ZBTB4: variants seen among roughly 807,000 people sequenced by gnomAD.
ZBTB4 encodes the protein zinc finger and BTB domain-containing protein 4.
A neutral mutation model predicts 59.8 loss-of-function variants in ZBTB4; 14 were observed. The ratio of observed to expected loss-of-function variants is 0.23; its 90% CI spans 0.15 to 0.37. ZBTB4 has a LOEUF of 0.37. ZBTB4 is among the 10% of genes least tolerant of loss of function. ZBTB4 has a pLI of 1.00. For missense variants in ZBTB4, 1,198 were observed against 1,380.8 expected (o/e 0.87, Z 2.10); for synonymous variants, 587 against 575.2 (o/e 1.02, Z -0.29).
At chr17:7,483,541 C>T (rs2070374973), upstream of ZBTB4, 1 of 172,372 alleles carries the variant, frequency 5.8e-6, no homozygotes, top group Admixed American at 5.6e-5. Flanking sequence ...AGTGGAAAGT[C>T]CTACGACCGT....
At chr17:7,465,565 C>G (rs2070107955) in intron 3 of ZBTB4, 146 bp downstream of exon 3, 1 of 1,365,998 alleles carries the variant, frequency 7.3e-7, no homozygotes, top group African/African-American at 1.5e-5. Flanking sequence ...CCTCCCACCT[C>G]AGCTAACCAC....
At chr17:7,473,778 G>A (rs2070231814) in intron 1 of ZBTB4, among the ~76,000 whole-genome samples, 1 of 152,086 alleles carries the variant, frequency 6.6e-6, no homozygotes, top group African/African-American at 2.4e-5. Context: ...TTGAAATCCT[G>A]GTCTCAAGCA....
chr17:7,470,001 G>C (rs1194466682), intron 1 of ZBTB4, among the ~76,000 whole-genome samples: 2 of 152,070 alleles, frequency 1.3e-5, no homozygotes, highest in South Asian at 4.1e-4. Flanking sequence ...AGAATCACTT[G>C]AATCCGGGAG....
intron 1 of ZBTB4, among the ~76,000 whole-genome samples, chr17:7,471,988 C>T (rs1203378696): frequency 6.6e-6 from 1 of 152,216 alleles, no homozygotes; most frequent in African/African-American, 2.4e-5. Context: ...TGAGCATGGA[C>T]ACCAGAGACG....
At position 7,466,979 on chromosome 17, in the gene ZBTB4, G is replaced by A. The variant is rs963965161; in HGVS notation, c.-9-169C>T. 6.6e-6 allele frequency among the ~76,000 whole-genome samples: 1 copy of A among 152,186 alleles called. No individual in the cohort carries two copies. The highest frequency in any genetic ancestry group is 1.5e-5 in the Non-Finnish European group (1 of 68,022). On this transcript the variant is annotated intron_variant, in intron 2 of 3. Coordinates refer to ENST00000380599, the MANE Select transcript of ZBTB4 (RefSeq NM_001128833.2). The surrounding 1 kb of genome is among the most constrained non-coding windows in gnomAD (Gnocchi z 9.1). ...GGTTGGCCCTTAGCCACCCAAGTCT[G>A]GCCAGCATCCAAGACCAGTATGTCT...
intron 1 of ZBTB4, among the ~76,000 whole-genome samples, chr17:7,473,110 A>T (rs1201201959): frequency 4.6e-4 from 30 of 64,888 alleles, no homozygotes; most frequent in South Asian, 1.1e-3. Flanking sequence ...GCGCGCCACC[A>T]TTTTTTTTTT....
rs1471348998 is a variant in ZBTB4, at chr17:7,466,103, G to A, written c.699C>T (p.Pro233=). The change falls in exon 3 of 4, where the codon CCC becomes CCT. Residue 233 remains proline (P), a synonymous_variant. Transcript: ENST00000380599. This position sits in a 1 kb window ranked among gnomAD's most constrained non-coding sequence, Gnocchi z 9.1. ...TTTTTCCACACTGGGGGCAGGGGAG[G>A]GGCCGCCGGGGCAGGGAGCACTGCA... The part of the protein sequence containing the change: ...PDLQCSLPRR[P]LPCPQCGKSF... The A allele has an allele frequency of 6.2e-7, 1 of 1,606,070 alleles. No individual in the cohort carries two copies. Among genetic ancestry groups the A allele is most frequent in the Non-Finnish European group, 8.5e-7 (1 of 1,175,414 alleles).
chr17:7,477,272 G>T (rs2070281544), intron 1 of ZBTB4, among the ~76,000 whole-genome samples: 1 of 152,212 alleles, frequency 6.6e-6, no homozygotes, highest in South Asian at 2.1e-4. Flanking sequence ...TGTGCTTTTG[G>T]AAGATACGCA....
Position 7,462,947 on chromosome 17 carries a change from C to A in ZBTB4, c.2035G>T (p.Ala679Ser). The change falls in exon 4 of 4, where the codon GCT becomes TCT. Residue 679 changes from alanine (A) to serine (S), a missense_variant. This residue lies in a region of ZBTB4 where 550 missense variants were observed against 541.8 expected (regional missense o/e 1.02). Transcript: ENST00000380599. This position sits in a 1 kb window ranked among gnomAD's most constrained non-coding sequence, Gnocchi z 7.5. ...CTGCCCCCCACACTGGCACCTCCAG[C>A]AGCTCCAGCCTTGCGCTTAGGCTTG... ...SYKPKRKAGA[A>S]GGASVGGSGL... 6.2e-7 allele frequency: 1 copy of A among 1,608,270 alleles called. No individual in the cohort carries two copies.
chr17:7,467,114 T>C (rs2070138953), intron 2 of ZBTB4, 143 bp downstream of exon 2: 1 of 1,159,196 alleles, frequency 8.6e-7, no homozygotes, highest in Non-Finnish European at 1.1e-6. Context: ...GGCAAATCTC[T>C]CTCATGGGAA....
At chr17:7,481,882 C>A (rs1397109239), upstream of ZBTB4, 10 of 1,443,460 alleles carry the variant, frequency 6.9e-6, no homozygotes, top group Non-Finnish European at 9.3e-6. Flanking sequence ...GATAGCCCAA[C>A]ACTGTACAGT....
rs2150845623 is a variant in ZBTB4 at position 7,459,413 on chromosome 17, T to TG, written c.*2526dup. On this transcript the variant is annotated 3_prime_UTR_variant, in exon 4 of 4. Transcript: ENST00000380599. ...TTGTTGGTTTATTGGCCTACAGAGT[T>TG]GGACACACACACAAATGCGGAGATA... 6.5e-6 allele frequency: 1 copy of TG among 152,778 alleles called. No individual in the cohort carries two copies. Among genetic ancestry groups the TG allele is most frequent in the Non-Finnish European group, 1.5e-5 (1 of 68,036 alleles). 9.5% of individuals were successfully genotyped at this position (152,778 alleles called of 1,614,324 possible).
upstream of ZBTB4, chr17:7,481,992 G>A (rs1388181135): frequency 3.5e-5 from 55 of 1,590,528 alleles, 1 homozygote; most frequent in Non-Finnish European, 4.5e-5. Context: ...TAACAGGCTG[G>A]CAGTCACCCC....
upstream of ZBTB4, among the ~76,000 whole-genome samples, chr17:7,479,924 C>T (rs1478270867): frequency 6.6e-6 from 1 of 152,010 alleles, no homozygotes; most frequent in African/African-American, 2.4e-5. Flanking sequence ...TCCTCCTGCA[C>T]GCCCTTCACT....
intron 1 of ZBTB4, among the ~76,000 whole-genome samples, chr17:7,474,461 C>T (rs2070242301): frequency 6.6e-6 from 1 of 152,088 alleles, no homozygotes; most frequent in Non-Finnish European, 1.5e-5. Flanking sequence ...TCAAGCAATT[C>T]ACCGCCTTGG....
intron 1 of ZBTB4, among the ~76,000 whole-genome samples, chr17:7,478,701 ACT>A (rs895509728): frequency 6.6e-6 from 1 of 152,054 alleles, no homozygotes; most frequent in Non-Finnish European, 1.5e-5. Flanking sequence ...CATCGAACAA[ACT>A]CTGCACCCAG....
At chr17:7,467,051 G>C in intron 2 of ZBTB4, 1 of 736,704 alleles carries the variant, frequency 1.4e-6, no homozygotes, top group Non-Finnish European at 1.7e-6. Context: ...TCAGGTCATG[G>C]TGAAGGTCAA....
chr17:7,483,246 T>A, upstream of ZBTB4: 1 of 725,126 alleles, frequency 1.4e-6, no homozygotes, highest in Non-Finnish European at 2.2e-6. Flanking sequence ...AGGGGTAAAG[T>A]CTGAGGAGCA....
chr17:7,472,895 C>T (rs2070218092), intron 1 of ZBTB4, among the ~76,000 whole-genome samples: 2 of 151,118 alleles, frequency 1.3e-5, no homozygotes, highest in African/African-American at 4.9e-5. Context: ...CCTTCTGCCT[C>T]GGCCTCCCAA....
Sources: gnomAD v4.1 joint callset for allele counts (sites outside exome capture counted in the v4.1 genomes callset) on GRCh38, gnomAD v4.1.1 for gene constraint, gnomAD v4.1.1 regional missense constraint, Gnocchi (gnomAD v3.1) non-coding constraint, MANE v1.5 for transcripts, NCBI Gene and HGNC (gene_info 2026-07-23, HGNC 2026-07-21) for gene names.